The following PPP1R1C variants were observed in gnomAD, a reference collection of about 807,000 sequenced individuals.
PPP1R1C encodes protein phosphatase 1 regulatory inhibitor subunit 1C.
A neutral mutation model predicts 17.4 loss-of-function variants in PPP1R1C; 15 were observed. The observed-to-expected ratio is 0.86, with a 90% CI of 0.58 to 1.33. PPP1R1C has a LOEUF of 1.33. Ranked by LOEUF, PPP1R1C falls within the 40% of genes most tolerant of loss-of-function variation. The probability of loss-of-function intolerance (pLI) is 0.00; values close to 1 mark genes in which losing one functional copy is unlikely to be tolerated. For missense variants in PPP1R1C, 143 were observed against 130.0 expected (o/e 1.10, Z -0.48); for synonymous variants, 35 against 43.1 (o/e 0.81, Z 0.73).
In PPP1R1C at chr2:182,059,254, G is replaced by T. The variant is rs573533629; in HGVS notation, c.143-2188G>T. Among the ~76,000 whole-genome samples the T allele has an allele frequency of 1.0e-3, 153 of 152,150 alleles. 4 individuals carry two copies. The South Asian group carries it at 0.03, about 30-fold the overall frequency. ...TTGAGAAATGGAGAAATATAGACAA[G>T]ATATGGCTGGAATAGCTACAAAAGC... On this transcript the variant is annotated intron_variant, in intron 2 of 4. Coordinates refer to ENST00000682840, the MANE Select transcript of PPP1R1C (RefSeq NM_001080545.3).
At chr2:181,987,945 T>C (rs748818258) in intron 2 of PPP1R1C, 46 bp downstream of exon 2, 2 of 1,501,216 alleles carry the variant, frequency 1.3e-6, no homozygotes, top group Admixed American at 3.8e-5. Flanking sequence ...AGAATGGAAT[T>C]GTTTAAAGAA....
At chr2:182,122,726 G>A (rs1689764165), downstream of PPP1R1C, among the ~76,000 whole-genome samples, 1 of 151,110 alleles carries the variant, frequency 6.6e-6, no homozygotes, top group African/African-American at 2.4e-5. Context: ...AAGTAAGCAA[G>A]AAAAAAAAGA....
chr2:182,095,574 C>T (rs1574448424), intron 4 of PPP1R1C, among the ~76,000 whole-genome samples: 1 of 152,114 alleles, frequency 6.6e-6, no homozygotes, highest in East Asian at 1.9e-4. Context: ...TCTGTCACTC[C>T]CTTGGCCTCT....
At position 182,031,425 on chromosome 2, in the gene PPP1R1C, C is replaced by A; in HGVS notation, c.143-30017C>A. On this transcript the variant is annotated intron_variant, in intron 2 of 4. Coordinates refer to ENST00000682840, the MANE Select transcript of PPP1R1C (RefSeq NM_001080545.3). ...AAAAGTCGTTAAGTTGCTAAACATT[C>A]GGATAAAAATGTTTGGAGGCAAAAA... Among the ~76,000 whole-genome samples the A allele has an allele frequency of 1.3e-5, 2 of 152,010 alleles. 1 individual carries two copies. The highest frequency in any genetic ancestry group is 2.9e-5 in the Non-Finnish European group (2 of 68,018).
rs180737429 is a variant in PPP1R1C, at chr2:182,089,428, G to A, written c.241+25637G>A. Among the ~76,000 whole-genome samples the A allele has an allele frequency of 4.6e-5, 7 of 152,288 alleles. No homozygotes were observed. In the East Asian group the frequency reaches 1.4e-3, roughly 29 times the overall value. On this transcript the variant is annotated intron_variant, in intron 4 of 4. Coordinates refer to ENST00000682840, the MANE Select transcript of PPP1R1C (RefSeq NM_001080545.3). ...TAACTAAAATTTGTTCCAAGCATGA[G>A]CATGCTTAGATGGGCATATTTCAAA...
intron 2 of PPP1R1C, among the ~76,000 whole-genome samples, chr2:182,004,510 A>G (rs1685859280): frequency 6.6e-6 from 1 of 152,210 alleles, no homozygotes; most frequent in African/African-American, 2.4e-5. Flanking sequence ...GAAGGCAGGG[A>G]AGACTATCCA....
At chr2:182,120,534 C>A (rs1689709090), downstream of PPP1R1C, among the ~76,000 whole-genome samples, 2 of 152,134 alleles carry the variant, frequency 1.3e-5, no homozygotes, top group African/African-American at 4.8e-5. Flanking sequence ...AATTTCTATA[C>A]CACCTGCTAT....
chr2:182,046,254 C>G (rs1687344378), intron 2 of PPP1R1C, among the ~76,000 whole-genome samples: 1 of 152,014 alleles, frequency 6.6e-6, no homozygotes, highest in Non-Finnish European at 1.5e-5. Context: ...CATTAGTTCT[C>G]TAGATTTACT....
chr2:182,005,807 G>T (rs1331703111), intron 2 of PPP1R1C, among the ~76,000 whole-genome samples: 1 of 152,098 alleles, frequency 6.6e-6, no homozygotes, highest in African/African-American at 2.4e-5. Flanking sequence ...AAAAGACCTA[G>T]GTTTGAATGT....
chr2:181,974,767 T>G (rs1685067257), intron 1 of PPP1R1C, among the ~76,000 whole-genome samples: 1 of 152,218 alleles, frequency 6.6e-6, no homozygotes, highest in Non-Finnish European at 1.5e-5. Context: ...GAATGCTCAC[T>G]GGTTTCCAGA....
intron 4 of PPP1R1C, among the ~76,000 whole-genome samples, chr2:182,083,895 G>A (rs960526895): frequency 6.6e-6 from 1 of 152,034 alleles, no homozygotes; most frequent in Non-Finnish European, 1.5e-5. Flanking sequence ...GTGTATAAGC[G>A]TTCTCTTTCA....
chr2:182,089,043 A>T (rs1574442458), intron 4 of PPP1R1C, among the ~76,000 whole-genome samples: 1 of 152,232 alleles, frequency 6.6e-6, no homozygotes, highest in African/African-American at 2.4e-5. Flanking sequence ...TTATCTAGAC[A>T]GCCAGGTCAA....
chr2:182,063,655 A>T, intron 3 of PPP1R1C, 76 bp from the exon 4 acceptor site: 2 of 1,098,556 alleles, frequency 1.8e-6, no homozygotes, highest in Admixed American at 1.7e-5. Flanking sequence ...CACAGTATTT[A>T]TTTCCCTCAC....
intron 3 of PPP1R1C, among the ~76,000 whole-genome samples, chr2:182,063,199 T>G (rs1358437594): frequency 6.6e-6 from 1 of 151,944 alleles, no homozygotes; most frequent in Non-Finnish European, 1.5e-5. Flanking sequence ...TTTTTTAACA[T>G]ATGAAGAATG....
chr2:182,126,351 A>G (rs1261009593), intron 5 of PPP1R1C, among the ~76,000 whole-genome samples: 2 of 152,066 alleles, frequency 1.3e-5, no homozygotes, highest in East Asian at 3.8e-4. Flanking sequence ...TTTCTAACTC[A>G]GTGATTCCAA....
chr2:182,034,566 C>T (rs1686945511), intron 2 of PPP1R1C, among the ~76,000 whole-genome samples: 4 of 152,082 alleles, frequency 2.6e-5, no homozygotes, highest in Admixed American at 2.6e-4. Flanking sequence ...ACTGTTTCTC[C>T]ACAAATAGAC....
intron 2 of PPP1R1C, among the ~76,000 whole-genome samples, chr2:181,989,264 T>C (rs1447339644): frequency 1.3e-5 from 2 of 152,178 alleles, no homozygotes; most frequent in African/African-American, 4.8e-5. Context: ...TTGAACATAG[T>C]GAAGTCATGT....
intron 2 of PPP1R1C, among the ~76,000 whole-genome samples, chr2:182,025,342 A>G (rs1007826251): frequency 2.0e-4 from 28 of 141,262 alleles, no homozygotes; most frequent in Non-Finnish European, 3.5e-4. Context: ...ATATCTCCCA[A>G]TGCTATCCCT....
At position 182,061,411 on chromosome 2, in the gene PPP1R1C, G is replaced by A. The variant is rs769118953; in HGVS notation, c.143-31G>A. The A allele has an allele frequency of 9.6e-6, 13 of 1,353,620 alleles. No homozygotes were observed. In the Admixed American group the frequency reaches 2.9e-4, roughly 31 times the overall value. 83.9% of individuals were successfully genotyped at this position (1,353,620 alleles called of 1,614,324 possible). ...TATATTACAAGAAAGAATATTACAT[G>A]CCTAATACATTCTACCTACTTCTCT... On this transcript the variant is annotated intron_variant, in intron 2 of 4. Transcript: ENST00000682840.
Sources: gnomAD v4.1 joint callset for allele counts (sites outside exome capture counted in the v4.1 genomes callset) on GRCh38, gnomAD v4.1.1 for gene constraint, MANE v1.5 for transcripts, NCBI Gene and HGNC (gene_info 2026-07-23, HGNC 2026-07-21) for gene names.